The following PRDM16 variants were observed in gnomAD, a reference collection of about 807,000 sequenced individuals.
The protein encoded by PRDM16 is histone-lysine N-methyltransferase PRDM16.
A neutral mutation model predicts 110.6 loss-of-function variants in PRDM16; 23 were observed. The ratio of observed to expected loss-of-function variants is 0.21; its 90% CI spans 0.15 to 0.29. The LOEUF is 0.29. PRDM16 is among the 10% of genes least tolerant of loss of function. PRDM16 has a pLI of 1.00. For missense variants in PRDM16, 1,615 were observed against 1,794.3 expected (o/e 0.90, Z 1.81); for synonymous variants, 799 against 781.8 (o/e 1.02, Z -0.37).
At chr1:3,169,313 G>A (rs1239135109) in intron 1 of PRDM16, among the ~76,000 whole-genome samples, 2 of 152,144 alleles carry the variant, frequency 1.3e-5, no homozygotes, top group Non-Finnish European at 1.5e-5. Flanking sequence ...GAATCCCTAG[G>A]GTTAGAAAAC....
chr1:3,198,685 G>C (rs964655301), intron 2 of PRDM16, among the ~76,000 whole-genome samples: 6 of 152,226 alleles, frequency 3.9e-5, no homozygotes, highest in Non-Finnish European at 5.9e-5. Context: ...CTGGTCCTCC[G>C]GTCCCGGCTG....
Position 3,382,337 on chromosome 1 carries a change from T to C in PRDM16, c.439-2815T>C, listed in dbSNP as rs1643115535. Among the ~76,000 whole-genome samples the C allele has an allele frequency of 6.6e-6, 1 of 152,196 alleles. No homozygotes were observed. Among genetic ancestry groups the C allele is most frequent in the African/African-American group, 2.4e-5 (1 of 41,452 alleles). On this transcript the variant is annotated intron_variant, in intron 3 of 16. Transcript: ENST00000270722. The surrounding 1 kb of genome is among the most constrained non-coding windows in gnomAD (Gnocchi z 6.6). ...TGAGTCTGTGGTTCTTGGATTGGGC[T>C]GGCCCTGGACTTGGGCAGGGCAGGC...
chr1:3,408,622 G>A (rs1643602965), intron 8 of PRDM16, among the ~76,000 whole-genome samples: 1 of 151,218 alleles, frequency 6.6e-6, no homozygotes, highest in Non-Finnish European at 1.5e-5. Context: ...GTGAGTGCAT[G>A]AGTGTGGGTG....
intron 1 of PRDM16, among the ~76,000 whole-genome samples, chr1:3,086,595 A>C (rs1642158094): frequency 6.6e-6 from 1 of 152,014 alleles, no homozygotes; most frequent in South Asian, 2.1e-4. Flanking sequence ...CTGGAAGCAC[A>C]AGGGCTGGGA....
intron 1 of PRDM16, among the ~76,000 whole-genome samples, chr1:3,161,223 C>T (rs1354016287): frequency 4.6e-5 from 7 of 152,174 alleles, no homozygotes; most frequent in East Asian, 1.9e-4. Context: ...TCTCAAAAGA[C>T]GGCGAAGGAG....
chr1:3,341,695 T>C (rs1419003522), intron 3 of PRDM16, among the ~76,000 whole-genome samples: 1 of 152,214 alleles, frequency 6.6e-6, no homozygotes, highest in African/African-American at 2.4e-5. Context: ...AGTTTTGATA[T>C]TTTCCCAGCT....
At chr1:3,396,382 A>T in intron 4 of PRDM16, 109 bp from the exon 5 acceptor site, 1 of 730,476 alleles carries the variant, frequency 1.4e-6, no homozygotes, top group Non-Finnish European at 2.5e-6. Flanking sequence ...GAGGAAAATC[A>T]AGTGCAGGCC....
At chr1:3,145,995 C>T (rs774900883) in intron 1 of PRDM16, among the ~76,000 whole-genome samples, 4 of 152,184 alleles carry the variant, frequency 2.6e-5, no homozygotes, top group African/African-American at 2.4e-5. Context: ...CACGCCTCAC[C>T]GCGGGTATCA....
At chr1:3,313,309 G>A (rs538205711) in intron 3 of PRDM16, among the ~76,000 whole-genome samples, 17 of 152,344 alleles carry the variant, frequency 1.1e-4, no homozygotes, top group African/African-American at 2.9e-4. Context: ...ATGAGTCAGC[G>A]CCGAGCGGTG....
chr1:3,413,658 G>T (rs1643732808), intron 9 of PRDM16, among the ~76,000 whole-genome samples: 1 of 152,202 alleles, frequency 6.6e-6, no homozygotes, highest in Non-Finnish European at 1.5e-5. Context: ...CATGCTGGGG[G>T]TGCTGTGTCT....
chr1:3,132,532 G>A (rs1478822455), intron 1 of PRDM16, among the ~76,000 whole-genome samples: 2 of 152,128 alleles, frequency 1.3e-5, no homozygotes, highest in Non-Finnish European at 2.9e-5. Flanking sequence ...AATGCAGAGG[G>A]AGCTCTTCAA....
rs115640556 is a variant in PRDM16 at position 3,359,240 on chromosome 1, A to G, written c.439-25912A>G. ...TTTTGTGTTGACTTGGGGTCTCACT[A>G]TGTTCCCCAGGCTTATACACATTTT... On this transcript the variant is annotated intron_variant, in intron 3 of 16. Coordinates refer to ENST00000270722, the MANE Select transcript of PRDM16 (RefSeq NM_022114.4). This position sits in a 1 kb window ranked among gnomAD's most constrained non-coding sequence, Gnocchi z 4.3. Among the ~76,000 whole-genome samples, 2,871 of 152,060 alleles carry G rather than the reference A, an allele frequency of 0.019. 77 individuals are homozygous for G. The highest frequency in any genetic ancestry group is 0.063 in the African/African-American group (2,605 of 41,454).
intron 1 of PRDM16, among the ~76,000 whole-genome samples, chr1:3,098,872 G>A (rs1642468507): frequency 6.6e-6 from 1 of 152,206 alleles, no homozygotes; most frequent in African/African-American, 2.4e-5. Flanking sequence ...CTGCAGGCGA[G>A]GCTGTGTCCC....
intron 1 of PRDM16, among the ~76,000 whole-genome samples, chr1:3,154,672 C>T (rs368175382): frequency 2.6e-5 from 4 of 152,114 alleles, no homozygotes; most frequent in African/African-American, 7.2e-5. Context: ...CCTGCACTGG[C>T]GAGGAGACCT....
At chr1:3,230,981 G>A (rs979428088) in intron 2 of PRDM16, among the ~76,000 whole-genome samples, 76 of 152,152 alleles carry the variant, frequency 5.0e-4, no homozygotes, top group Non-Finnish European at 1.1e-3. Context: ...GGGAAGGCTC[G>A]TCCCCGCCTC....
intron 1 of PRDM16, among the ~76,000 whole-genome samples, chr1:3,123,980 G>T (rs762165996): frequency 2.0e-5 from 3 of 152,242 alleles, no homozygotes; most frequent in African/African-American, 4.8e-5. Context: ...ACCCCACGCC[G>T]TATGGTGGGC....
At position 3,417,956 on chromosome 1, in the gene PRDM16, C is replaced by T. The variant is rs764764989; in HGVS notation, c.2820C>T (p.Ser940=). The part of the protein sequence containing the change: ...FNFRSPPPTL[S]DPILRKGKER... ...TCCGGTCCCCACCCCCAACGCTCTC[C>T]GACCCCATCCTCAGGAAGGGCAAGG... The change falls in exon 11 of 17, where the codon TCC becomes TCT. Residue 940 remains serine, a synonymous_variant. Coordinates refer to ENST00000270722, the MANE Select transcript of PRDM16 (RefSeq NM_022114.4). 1.5e-5 allele frequency: 24 copies of T among 1,613,004 alleles called. 1 individual carries two copies. Among genetic ancestry groups the T allele is most frequent in the Middle Eastern group, 1.7e-4 (1 of 6,056 alleles).
In PRDM16 at chr1:3,412,489, G is replaced by C; in HGVS notation, c.2292G>C (p.Val764=). 2 of 1,613,294 alleles carry C rather than the reference G, an allele frequency of 1.2e-6. No individual in the cohort carries two copies. The highest frequency in any genetic ancestry group is 1.7e-6 in the Non-Finnish European group (2 of 1,180,004). ...EPKSPRDALK[V]GGPSAECPFD... ...AGTCACCCCGGGACGCCCTCAAGGT[G>C]GGCGGCCCCAGTGCCGAGTGCCCCT... Residue 764 remains valine (V), a synonymous_variant, in exon 9 of 17, where the codon GTG becomes GTC. Coordinates refer to ENST00000270722, the MANE Select transcript of PRDM16 (RefSeq NM_022114.4).
intron 2 of PRDM16, among the ~76,000 whole-genome samples, chr1:3,195,454 G>C (rs1267106256): frequency 6.6e-6 from 1 of 152,224 alleles, no homozygotes; most frequent in Non-Finnish European, 1.5e-5. Context: ...GCCCAGCAGA[G>C]GGGACTTTCT....
Sources: allele counts gnomAD v4.1 joint callset (sites outside exome capture counted in the v4.1 genomes callset), GRCh38; gene constraint gnomAD v4.1.1; non-coding constraint Gnocchi (gnomAD v3.1); transcripts MANE v1.5; gene names NCBI Gene and HGNC (gene_info 2026-07-23, HGNC 2026-07-21).